STK33: variants seen among roughly 807,000 people sequenced by gnomAD.
The protein encoded by STK33 is serine/threonine kinase 33.
STK33 carries 52 observed loss-of-function variants against 58.0 expected under a neutral mutation model. That is an observed-to-expected ratio of 0.90 (90% CI 0.72 to 1.13). STK33 has a LOEUF of 1.13. STK33 is among the 50% of genes most tolerant of loss of function. The pLI, the probability that STK33 is intolerant of heterozygous loss-of-function variation, is 0.00. For synonymous variants in STK33, 215 were observed against 200.1 expected, an observed-to-expected ratio of 1.07 and a Z score of -0.63; for missense variants, 630 against 604.2, an observed-to-expected ratio of 1.04 and a Z score of -0.45.
intron 1 of STK33, among the ~76,000 whole-genome samples, chr11:8,483,921 T>A (rs1950024027): frequency 6.6e-6 from 1 of 152,084 alleles, no homozygotes; most frequent in Non-Finnish European, 1.5e-5. Flanking sequence ...TACTCCAAAT[T>A]CAGTACTATT....
chr11:8,351,824 G>A, the STK33 span, among the ~76,000 whole-genome samples: 3 of 152,110 alleles, frequency 2.0e-5, no homozygotes, highest in African/African-American at 4.8e-5. Context: ...ATACCACCAC[G>A]AGCTCCTCCA....
chr11:8,500,002 T>C (rs573854390), intron 1 of STK33, among the ~76,000 whole-genome samples: 13 of 152,234 alleles, frequency 8.5e-5, no homozygotes, highest in Admixed American at 2.6e-4. Context: ...TAAACCACCA[T>C]GGCACGTGTA....
intron 14 of STK33, among the ~76,000 whole-genome samples, chr11:8,432,346 C>T (rs1378423477): frequency 6.6e-6 from 1 of 152,044 alleles, no homozygotes; most frequent in Non-Finnish European, 1.5e-5. Context: ...AACTCCTGAA[C>T]CACAGTTGAC....
intron 5 of STK33, 28 bp downstream of exon 5, chr11:8,474,653 G>A (rs1287928541): frequency 1.9e-6 from 3 of 1,541,676 alleles, no homozygotes; most frequent in Admixed American, 1.9e-5. Context: ...GTCAACTTGT[G>A]CTTAGATGTG....
chr11:8,408,381 A>G (rs907895620), intron 15 of STK33, among the ~76,000 whole-genome samples: 1 of 152,172 alleles, frequency 6.6e-6, no homozygotes, highest in Non-Finnish European at 1.5e-5. Context: ...GATTTAAAGG[A>G]TTCACTAATA....
rs562129914 is a variant in STK33, at chr11:8,468,055, C to T, written c.340-3233G>A. ...TTCACACTGCTGATAAAGACATACCCGAGACTGGGCAATTTACAAAATAAA... is the reference window on the plus strand; with the variant it reads ...TTCACACTGCTGATAAAGACATACCTGAGACTGGGCAATTTACAAAATAAA... On this transcript the variant is annotated intron_variant, in intron 6 of 15. Coordinates refer to ENST00000687296, the MANE Select transcript of STK33 (RefSeq NM_001352389.2). Among the ~76,000 whole-genome samples the T allele has an allele frequency of 2.1e-3, 322 of 152,248 alleles. 1 individual carries two copies. The highest frequency in any genetic ancestry group is 3.4e-3 in the Middle Eastern group (1 of 294).
At chr11:8,545,156 T>C (rs2140421760) in intron 1 of STK33, among the ~76,000 whole-genome samples, 1 of 152,306 alleles carries the variant, frequency 6.6e-6, no homozygotes, top group Admixed American at 6.5e-5. Context: ...CTTTGTGGGA[T>C]TATTCCAACC....
chr11:8,411,076 T>C (rs1394312001), intron 15 of STK33, among the ~76,000 whole-genome samples: 1 of 152,258 alleles, frequency 6.6e-6, no homozygotes, highest in Non-Finnish European at 1.5e-5. Flanking sequence ...GTCTGCCAAG[T>C]GTCTCATCAG....
At position 8,539,649 on chromosome 11, in the gene STK33, T is replaced by C. The variant is rs374026070; in HGVS notation, c.-466+54434A>G. Among the ~76,000 whole-genome samples, 158 of 152,314 alleles carry C rather than the reference T, an allele frequency of 1.0e-3. 1 individual carries two copies. The highest frequency in any genetic ancestry group is 3.6e-3 in the African/African-American group (148 of 41,564). ...AGGATAGCAAAAGATTCGAAGAATC[T>C]ACCTGAAATTGCTTCTTCATCATAA... On this transcript the variant is annotated intron_variant, in intron 1 of 15. Coordinates refer to ENST00000687296, the MANE Select transcript of STK33 (RefSeq NM_001352389.2).
chr11:8,583,756 A>C (rs1193923227), intron 1 of STK33, among the ~76,000 whole-genome samples: 3 of 152,204 alleles, frequency 2.0e-5, no homozygotes, highest in Non-Finnish European at 2.9e-5. Flanking sequence ...AGAATCAAAT[A>C]AAATAAAAAA....
chr11:8,405,597 C>T (rs1373661467), intron 15 of STK33, among the ~76,000 whole-genome samples: 1 of 152,074 alleles, frequency 6.6e-6, no homozygotes, highest in Non-Finnish European at 1.5e-5. Flanking sequence ...TTTAAAAGTG[C>T]TTTCTGTGTC....
At chr11:8,464,926 G>A in intron 6 of STK33, 104 bp from the exon 7 acceptor site, 3 of 673,932 alleles carry the variant, frequency 4.5e-6, no homozygotes, top group Non-Finnish European at 7.4e-6. Flanking sequence ...AAGAGATTCT[G>A]CTCCAAGTTA....
Position 8,567,019 on chromosome 11 carries a change from G to A in STK33, c.-466+27064C>T, listed in dbSNP as rs149557335. Among the ~76,000 whole-genome samples the A allele has an allele frequency of 6.9e-3, 1,044 of 152,070 alleles. 12 individuals are homozygous for A. The highest frequency in any genetic ancestry group is 0.023 in the African/African-American group (950 of 41,464). Reference sequence around the variant, plus strand: ...AGCTGGGGTGGTTGTGTGTGCCTGTGGTCCCAGCTACTCGGGAGGCTGAGG... The same window carrying A: ...AGCTGGGGTGGTTGTGTGTGCCTGTAGTCCCAGCTACTCGGGAGGCTGAGG... On this transcript the variant is annotated intron_variant, in intron 1 of 15. Transcript: ENST00000687296.
intron 1 of STK33, among the ~76,000 whole-genome samples, chr11:8,482,726 T>G (rs1386182815): frequency 6.6e-6 from 1 of 151,824 alleles, no homozygotes; most frequent in Non-Finnish European, 1.5e-5. Flanking sequence ...TATTTTTTAT[T>G]TATTTATTTA....
rs192361672 is a variant in STK33 at position 8,491,452 on chromosome 11, C to A, written c.-465-10838G>T. Among the ~76,000 whole-genome samples the A allele has an allele frequency of 4.1e-3, 628 of 152,188 alleles. 3 individuals carry two copies. Among genetic ancestry groups the A allele is most frequent in the African/African-American group, 0.015 (610 of 41,528 alleles). ...AGAAATATGGGACTAGGTGAAAAGA[C>A]CAAATCTACGTTTGATTGGTGAAAC... On this transcript the variant is annotated intron_variant, in intron 1 of 15. Transcript: ENST00000687296.
intron 1 of STK33, among the ~76,000 whole-genome samples, chr11:8,516,240 GAAA>G (rs2139634452): frequency 6.6e-6 from 1 of 152,278 alleles, no homozygotes; most frequent in South Asian, 2.1e-4. Context: ...AGAGATCCCA[GAAA>G]TAAACCCATG....
At chr11:8,473,585 C>T (rs1002607014) in intron 5 of STK33, among the ~76,000 whole-genome samples, 1 of 152,192 alleles carries the variant, frequency 6.6e-6, no homozygotes, top group African/African-American at 2.4e-5. Context: ...AACTTTATAG[C>T]TTTCTCAATC....
the STK33 span, among the ~76,000 whole-genome samples, chr11:8,380,485 G>A: frequency 5.9e-5 from 9 of 151,784 alleles, no homozygotes; most frequent in African/African-American, 1.2e-4. Context: ...ACTTGAAACC[G>A]GGAGGCAGAG....
the STK33 span, among the ~76,000 whole-genome samples, chr11:8,340,711 G>A: frequency 1.3e-5 from 2 of 152,200 alleles, no homozygotes; most frequent in Admixed American, 6.5e-5. Context: ...GATGACACAT[G>A]CAGCAGGGCC....
Sources: allele counts gnomAD v4.1 joint callset (sites outside exome capture counted in the v4.1 genomes callset), GRCh38; gene constraint gnomAD v4.1.1; transcripts MANE v1.5; gene names NCBI Gene and HGNC (gene_info 2026-07-23, HGNC 2026-07-21).